Variants in CSMD1 observed in about 807,000 individuals in gnomAD.
CSMD1 encodes the protein CUB and sushi domain-containing protein 1.
Under a neutral mutation model 417.5 loss-of-function variants are expected in CSMD1, and 213 were observed. The ratio of observed to expected loss-of-function variants is 0.51; its 90% CI spans 0.46 to 0.57. The LOEUF is 0.57. Ranked by LOEUF, CSMD1 falls within the 20% of genes least tolerant of loss-of-function variation. The pLI, the probability that CSMD1 is intolerant of heterozygous loss-of-function variation, is 0.00. For missense variants in CSMD1, 6,923 were observed against 4,529.7 expected, an observed-to-expected ratio of 1.53 and a Z score of -15.17; for synonymous variants, 2,862 against 1,736.8, an observed-to-expected ratio of 1.65 and a Z score of -16.11.
intron 10 of CSMD1, among the ~76,000 whole-genome samples, chr8:3,511,015 C>T (rs554257252): frequency 2.4e-4 from 36 of 151,804 alleles, no homozygotes; most frequent in Non-Finnish European, 3.8e-4. Flanking sequence ...ACAAAGAAAA[C>T]GTGGCACTTA....
At chr8:4,929,355 G>A (rs921373125) in intron 1 of CSMD1, among the ~76,000 whole-genome samples, 8 of 151,958 alleles carry the variant, frequency 5.3e-5, no homozygotes, top group Non-Finnish European at 8.8e-5. Flanking sequence ...AGTTTGTTAT[G>A]GCAGCCCCAG....
intron 41 of CSMD1, among the ~76,000 whole-genome samples, chr8:3,139,770 T>C (rs867510122): frequency 3.8e-4 from 58 of 152,150 alleles, no homozygotes; most frequent in Middle Eastern, 3.4e-3. Context: ...TTGGGGAAAA[T>C]TTCATGGATA....
At chr8:4,170,761 C>T (rs1370883193) in intron 3 of CSMD1, among the ~76,000 whole-genome samples, 2 of 151,368 alleles carry the variant, frequency 1.3e-5, no homozygotes, top group Non-Finnish European at 2.9e-5. Flanking sequence ...AAAAAGGTAG[C>T]TAAGGGACAC....
At chr8:4,361,360 T>C (rs1298250970) in intron 3 of CSMD1, among the ~76,000 whole-genome samples, 1 of 148,048 alleles carries the variant, frequency 6.8e-6, no homozygotes, top group African/African-American at 2.6e-5. Flanking sequence ...ATCTGTGATT[T>C]TTAATTGATT....
At chr8:4,912,537 A>G (rs951250996) in intron 1 of CSMD1, among the ~76,000 whole-genome samples, 2 of 152,194 alleles carry the variant, frequency 1.3e-5, no homozygotes, top group East Asian at 3.9e-4. Flanking sequence ...GCTCGTCTCA[A>G]TCCCACCTTT....
At position 3,759,540 on chromosome 8, in the gene CSMD1, T is replaced by G. The variant is rs181085564; in HGVS notation, c.819-5498A>C. Among the ~76,000 whole-genome samples the G allele has an allele frequency of 4.8e-3, 737 of 152,020 alleles. 2 individuals carry two copies. The highest frequency in any genetic ancestry group is 8.2e-3 in the Non-Finnish European group (556 of 67,998). On this transcript the variant is annotated intron_variant, in intron 5 of 69. Coordinates refer to ENST00000635120, the MANE Select transcript of CSMD1 (RefSeq NM_033225.6). ...ATAGTTTGGAAAATGAAAGAGATTA[T>G]GGGGCAAATGGTGGAAAATGGGCAT...
chr8:4,991,602 G>T (rs188692348), intron 1 of CSMD1, among the ~76,000 whole-genome samples: 1 of 152,130 alleles, frequency 6.6e-6, no homozygotes, highest in Non-Finnish European at 1.5e-5. Context: ...CTGCCGGAGC[G>T]CTCCTCCCCG....
intron 28 of CSMD1, among the ~76,000 whole-genome samples, chr8:3,221,086 T>G (rs1265494305): frequency 6.6e-6 from 1 of 152,170 alleles, no homozygotes; most frequent in African/African-American, 2.4e-5. Flanking sequence ...CCACTTGATC[T>G]GGAGATTCGG....
chr8:4,218,858 G>C (rs776377200), intron 3 of CSMD1, among the ~76,000 whole-genome samples: 1 of 152,090 alleles, frequency 6.6e-6, no homozygotes, highest in Non-Finnish European at 1.5e-5. Flanking sequence ...CTTTTCCTGA[G>C]ACATCACCTC....
chr8:3,901,918 G>C (rs2930377), intron 5 of CSMD1, among the ~76,000 whole-genome samples: 28,861 of 152,120 alleles, frequency 0.19, 3,104 homozygotes, highest in East Asian at 0.32. Flanking sequence ...GCCATGATGT[G>C]TGACTATGAA....
At chr8:3,499,214 A>T (rs1455935692) in intron 10 of CSMD1, among the ~76,000 whole-genome samples, 1 of 152,200 alleles carries the variant, frequency 6.6e-6, no homozygotes, top group Non-Finnish European at 1.5e-5. Flanking sequence ...TGTATTCTGC[A>T]TGAGTACAGT....
chr8:3,988,412 T>C (rs1334525994), intron 5 of CSMD1, among the ~76,000 whole-genome samples: 3 of 152,242 alleles, frequency 2.0e-5, no homozygotes, highest in Non-Finnish European at 4.4e-5. Context: ...GTTATGGTTT[T>C]AGGTCTGTGT....
chr8:4,088,767 G>C (rs1349008765), intron 3 of CSMD1, among the ~76,000 whole-genome samples: 1 of 151,990 alleles, frequency 6.6e-6, no homozygotes, highest in Non-Finnish European at 1.5e-5. Flanking sequence ...TATTCCAACA[G>C]CCTCAGCTCC....
chr8:4,505,805 T>A (rs1187682820), intron 2 of CSMD1, among the ~76,000 whole-genome samples: 1 of 151,222 alleles, frequency 6.6e-6, no homozygotes, highest in Admixed American at 6.6e-5. Context: ...TCATGTTCAA[T>A]ATTTTTTTTT....
At chr8:4,424,075 G>C (rs1332108274) in intron 2 of CSMD1, among the ~76,000 whole-genome samples, 1 of 151,970 alleles carries the variant, frequency 6.6e-6, no homozygotes, top group African/African-American at 2.4e-5. Flanking sequence ...AATGTAAAAT[G>C]TAAAGCAATT....
rs1026510380 is a variant in CSMD1, at chr8:4,647,015, G to C, written c.86-9457C>G. 3.9e-5 allele frequency among the ~76,000 whole-genome samples: 6 copies of C among 152,162 alleles called. No individual in the cohort carries two copies. The South Asian group carries it at 1.2e-3, about 31-fold the overall frequency. ...GTCATAGACTAACAGCCAAGGTGCT[G>C]ACACGGCCCTCCTCTAGGCCATCCA... On this transcript the variant is annotated intron_variant, in intron 1 of 69. Transcript: ENST00000635120.
At chr8:4,786,425 G>C (rs1053599146) in intron 1 of CSMD1, among the ~76,000 whole-genome samples, 1 of 152,178 alleles carries the variant, frequency 6.6e-6, no homozygotes, top group Non-Finnish European at 1.5e-5. Context: ...TTCTAATGTG[G>C]CATCTCCAGC....
chr8:3,288,874 C>T (rs1803346420), intron 25 of CSMD1, among the ~76,000 whole-genome samples: 2 of 146,290 alleles, frequency 1.4e-5, no homozygotes, highest in Admixed American at 1.3e-4. Flanking sequence ...TGTGCACAAC[C>T]TACAGGTTTG....
chr8:4,607,701 A>G (rs1800952830), intron 2 of CSMD1, among the ~76,000 whole-genome samples: 1 of 152,190 alleles, frequency 6.6e-6, no homozygotes, highest in Non-Finnish European at 1.5e-5. Flanking sequence ...AATCTTCGTG[A>G]GTATTCCACC....
Sources: gnomAD v4.1 joint callset for allele counts (sites outside exome capture counted in the v4.1 genomes callset) on GRCh38, gnomAD v4.1.1 for gene constraint, MANE v1.5 for transcripts, NCBI Gene and HGNC (gene_info 2026-07-23, HGNC 2026-07-21) for gene names.